MTPN: variants seen among roughly 807,000 people sequenced by gnomAD.
MTPN encodes granule cell differentiation protein.
MTPN carries 2 observed loss-of-function variants against 13.5 expected under a neutral mutation model. That is an observed-to-expected ratio of 0.15 (90% CI 0.06 to 0.47). The LOEUF (loss-of-function observed/expected upper bound fraction) is 0.47, where lower values mean the gene tolerates loss of function less well. Ranked by LOEUF, MTPN falls within the 20% of genes least tolerant of loss-of-function variation. The pLI is 0.97. For missense variants in MTPN, 79 were observed against 137.9 expected, an observed-to-expected ratio of 0.57 and a Z score of 2.14; for synonymous variants, 46 against 51.7, an observed-to-expected ratio of 0.89 and a Z score of 0.48.
At chr7:135,942,656 C>T (rs1225052645) in intron 3 of MTPN, among the ~76,000 whole-genome samples, 1 of 152,200 alleles carries the variant, frequency 6.6e-6, no homozygotes, top group African/African-American at 2.4e-5. Flanking sequence ...CAAAACTGTA[C>T]TTGTACATAG....
At chr7:135,944,857 C>G (rs1285571793) in intron 3 of MTPN, among the ~76,000 whole-genome samples, 4 of 152,104 alleles carry the variant, frequency 2.6e-5, no homozygotes, top group African/African-American at 9.7e-5. Context: ...AAACCACAGA[C>G]AGTAATGAAC....
intron 1 of MTPN, among the ~76,000 whole-genome samples, chr7:135,953,088 AAC>A (rs913680048): frequency 6.6e-6 from 1 of 152,088 alleles, no homozygotes; most frequent in African/African-American, 2.4e-5. Flanking sequence ...CATTCTTTCA[AAC>A]ACACATACTC....
intron 1 of MTPN, among the ~76,000 whole-genome samples, chr7:135,966,637 A>G (rs1408201621): frequency 6.6e-6 from 1 of 152,172 alleles, no homozygotes; most frequent in Non-Finnish European, 1.5e-5. Context: ...CAAGTGGCAC[A>G]TAACGACTTC....
At chr7:135,956,602 C>T (rs1799447299) in intron 1 of MTPN, among the ~76,000 whole-genome samples, 6 of 152,210 alleles carry the variant, frequency 3.9e-5, no homozygotes, top group Admixed American at 3.9e-4. Flanking sequence ...TGATCTCCCT[C>T]AGGAACTTCT....
intron 1 of MTPN, among the ~76,000 whole-genome samples, chr7:135,974,385 A>C (rs1339815576): frequency 6.6e-6 from 1 of 152,096 alleles, no homozygotes; most frequent in African/African-American, 2.4e-5. Flanking sequence ...CTCTACAAAA[A>C]ATAAAATTTG....
intron 1 of MTPN, among the ~76,000 whole-genome samples, chr7:135,958,590 C>T (rs1245155643): frequency 3.3e-5 from 5 of 152,192 alleles, no homozygotes; most frequent in Non-Finnish European, 5.9e-5. Flanking sequence ...CATTCCTGCT[C>T]TCAGTACTGG....
chr7:135,975,918 T>C (rs80035616), intron 1 of MTPN, among the ~76,000 whole-genome samples: 8,602 of 152,332 alleles, frequency 0.056, 286 homozygotes, highest in East Asian at 0.094. Context: ...TTTAAGAAAC[T>C]GCTTCGCTTA....
At chr7:135,934,700 T>C (rs1799085822) in intron 3 of MTPN, among the ~76,000 whole-genome samples, 1 of 152,194 alleles carries the variant, frequency 6.6e-6, no homozygotes, top group African/African-American at 2.4e-5. Context: ...CCAAGTCTAG[T>C]CAACATATAT....
chr7:135,975,155 T>A (rs553235198), intron 1 of MTPN, among the ~76,000 whole-genome samples: 1 of 152,342 alleles, frequency 6.6e-6, no homozygotes, highest in Admixed American at 6.5e-5. Context: ...TTGAACATGA[T>A]AACCTAACCT....
chr7:135,960,203 T>C lies in MTPN; in HGVS notation c.73-8573A>G, dbSNP rs181398006. Among the ~76,000 whole-genome samples the C allele has an allele frequency of 9.5e-4, 145 of 152,216 alleles. 2 individuals carry two copies. Among genetic ancestry groups the C allele is most frequent in the Admixed American group, 8.4e-3 (128 of 15,272 alleles). ...TTATATCATGTGATTAAAGCTGCAG[T>C]ACAGGCTATGAGTTTGTTTTGGGAA... On this transcript the variant is annotated intron_variant, in intron 1 of 3. Coordinates refer to ENST00000393085, the MANE Select transcript of MTPN (RefSeq NM_145808.4).
chr7:135,943,138 A>G (rs1216987894), intron 3 of MTPN, among the ~76,000 whole-genome samples: 1 of 152,238 alleles, frequency 6.6e-6, no homozygotes, highest in Non-Finnish European at 1.5e-5. Flanking sequence ...CAACTTGACC[A>G]TGTTATATGG....
intron 1 of MTPN, among the ~76,000 whole-genome samples, chr7:135,974,487 C>CTTT (rs1349219119): frequency 9.2e-5 from 14 of 151,936 alleles, no homozygotes; most frequent in African/African-American, 2.2e-4. Flanking sequence ...CTAGCCTGGG[C>CTTT]GACAAAGCAA....
At chr7:135,937,762 G>GC (rs1461422966) in intron 3 of MTPN, among the ~76,000 whole-genome samples, 1 of 152,078 alleles carries the variant, frequency 6.6e-6, no homozygotes, top group Non-Finnish European at 1.5e-5. Context: ...CTCTGAGACA[G>GC]CAAGACCAAC....
chr7:135,939,408 TAC>T (rs36041949), intron 3 of MTPN, among the ~76,000 whole-genome samples: 1,766 of 152,118 alleles, frequency 0.012, 15 homozygotes, highest in African/African-American at 0.021. Context: ...TTTCCTCTAC[TAC>T]AGAGGTTGAA....
At chr7:135,938,794 G>C (rs769615406) in intron 3 of MTPN, among the ~76,000 whole-genome samples, 1 of 152,178 alleles carries the variant, frequency 6.6e-6, no homozygotes, top group Non-Finnish European at 1.5e-5. Context: ...CCAAGACTGA[G>C]CCCGGCTAAA....
chr7:135,938,708 A>T (rs1258308766), intron 3 of MTPN, among the ~76,000 whole-genome samples: 1 of 152,204 alleles, frequency 6.6e-6, no homozygotes, highest in Non-Finnish European at 1.5e-5. Context: ...GAAAGGAGAG[A>T]AGGCCTACTG....
chr7:135,976,947 G>A (rs1418676788), intron 1 of MTPN, 82 bp downstream of exon 1: 7 of 239,264 alleles, frequency 2.9e-5, no homozygotes, highest in Non-Finnish European at 5.2e-5. Context: ...CCCCATCCCC[G>A]CAGTCCAGCT....
chr7:135,941,642 A>G (rs1584808382), intron 3 of MTPN, among the ~76,000 whole-genome samples: 1 of 152,198 alleles, frequency 6.6e-6, no homozygotes, highest in Non-Finnish European at 1.5e-5. Context: ...CCTTATTTGA[A>G]CACAGTTAAC....
chr7:135,960,577 C>CATAT (rs1215139525), intron 1 of MTPN: 1 of 151,634 alleles, frequency 6.6e-6, no homozygotes, highest in East Asian at 1.9e-4. Flanking sequence ...GTATAAAAAT[C>CATAT]ATATAGCAAA....
Sources: allele counts gnomAD v4.1 joint callset (sites outside exome capture counted in the v4.1 genomes callset), GRCh38; gene constraint gnomAD v4.1.1; transcripts MANE v1.5; gene names NCBI Gene and HGNC (gene_info 2026-07-23, HGNC 2026-07-21).